ZBTB20: variants seen among roughly 807,000 people sequenced by gnomAD.
ZBTB20 encodes the protein zinc finger and BTB domain-containing protein 20.
In ZBTB20, 9 loss-of-function variants were observed where a neutral mutation model predicts 56.9. That is an observed-to-expected ratio of 0.16 (90% CI 0.10 to 0.28). The LOEUF (loss-of-function observed/expected upper bound fraction) is 0.28, where lower values mean the gene tolerates loss of function less well. ZBTB20 is among the 10% of genes least tolerant of loss of function. ZBTB20 has a pLI of 1.00. For synonymous variants in ZBTB20, 417 were observed against 420.7 expected (o/e 0.99, Z 0.11); for missense variants, 655 against 1,003.0 (o/e 0.65, Z 4.69).
At chr3:114,850,822 G>A (rs866194867) in intron 4 of ZBTB20, among the ~76,000 whole-genome samples, 1 of 152,224 alleles carries the variant, frequency 6.6e-6, no homozygotes, top group Middle Eastern at 3.2e-3. Flanking sequence ...TCCAGGTGGA[G>A]AGAGGATGTT....
At chr3:114,768,217 AC>A (rs1427048994) in intron 5 of ZBTB20, among the ~76,000 whole-genome samples, 1 of 152,056 alleles carries the variant, frequency 6.6e-6, no homozygotes, top group Non-Finnish European at 1.5e-5. Context: ...CTCCAAGTCA[AC>A]CCTTAAGGAT....
intron 3 of ZBTB20, among the ~76,000 whole-genome samples, chr3:114,915,861 T>C (rs1283225958): frequency 6.6e-6 from 1 of 152,082 alleles, no homozygotes; most frequent in African/African-American, 2.4e-5. Flanking sequence ...CATGTGTCTG[T>C]ATAGTTTCCA....
At chr3:114,442,157 C>T (rs1488172206) in intron 7 of ZBTB20, among the ~76,000 whole-genome samples, 1 of 152,084 alleles carries the variant, frequency 6.6e-6, no homozygotes, top group Non-Finnish European at 1.5e-5. Context: ...CAAGGTAAAG[C>T]CCAAGAGGCA....
chr3:114,904,117 G>GTGTT (rs147801017), intron 3 of ZBTB20, among the ~76,000 whole-genome samples: 4,403 of 151,944 alleles, frequency 0.029, 141 homozygotes, highest in African/African-American at 0.073. Flanking sequence ...ATACTATAGA[G>GTGTT]TGTTTGTTTG....
intron 7 of ZBTB20, among the ~76,000 whole-genome samples, chr3:114,481,894 G>A (rs561621392): frequency 3.3e-5 from 5 of 152,224 alleles, no homozygotes; most frequent in Non-Finnish European, 5.9e-5. Flanking sequence ...TGCAAAGAAC[G>A]GTGGGGGAAA....
intron 6 of ZBTB20, among the ~76,000 whole-genome samples, chr3:114,575,915 CA>C (rs146745862): frequency 0.094 from 14,254 of 152,188 alleles, 776 homozygotes; most frequent in African/African-American, 0.14. Flanking sequence ...GTTTGCCTAA[CA>C]AAATAATTGA....
chr3:115,126,510 T>C (rs2084337506), intron 1 of ZBTB20, among the ~76,000 whole-genome samples: 1 of 152,022 alleles, frequency 6.6e-6, no homozygotes, highest in Non-Finnish European at 1.5e-5. Flanking sequence ...TCACAAATAT[T>C]ATATAGAAGT....
At chr3:114,976,351 T>A (rs199940412) in intron 2 of ZBTB20, among the ~76,000 whole-genome samples, 2 of 152,104 alleles carry the variant, frequency 1.3e-5, no homozygotes, top group East Asian at 3.9e-4. Flanking sequence ...ACTGGCTGGG[T>A]GAGGTGGCTC....
intron 5 of ZBTB20, among the ~76,000 whole-genome samples, chr3:114,705,079 A>G (rs2063633164): frequency 6.6e-6 from 1 of 152,144 alleles, no homozygotes; most frequent in Admixed American, 6.6e-5. Flanking sequence ...ACTCACTCAA[A>G]GCTACACAGC....
rs895322001 is a variant in ZBTB20, at chr3:114,604,332, CT to C, written c.-295+89195del. 4.6e-5 allele frequency among the ~76,000 whole-genome samples: 7 copies of C among 151,670 alleles called. No individual in the cohort carries two copies. The East Asian group carries it at 5.8e-4, about 13-fold the overall frequency. ...GGTGGAAGGAGGGAATATATATTCA[CT>C]TTTTTTGCATAAAAAGACCACTGGA... On this transcript the variant is annotated intron_variant, in intron 6 of 11. Coordinates refer to ENST00000675478, the MANE Select transcript of ZBTB20 (RefSeq NM_001348800.3).
At chr3:114,370,987 C>T (rs1231606679) in intron 10 of ZBTB20, among the ~76,000 whole-genome samples, 4 of 152,204 alleles carry the variant, frequency 2.6e-5, no homozygotes, top group Non-Finnish European at 4.4e-5. Context: ...ATTACCGCCC[C>T]CTTCAGGTCA....
At chr3:114,966,963 T>C (rs1044795491) in intron 3 of ZBTB20, among the ~76,000 whole-genome samples, 1 of 152,162 alleles carries the variant, frequency 6.6e-6, no homozygotes, top group African/African-American at 2.4e-5. Context: ...GAAGAGTTCT[T>C]TGCTTTCAGT....
chr3:115,080,691 A>T (rs1483495981), intron 1 of ZBTB20, among the ~76,000 whole-genome samples: 1 of 152,150 alleles, frequency 6.6e-6, no homozygotes, highest in Admixed American at 6.6e-5. Flanking sequence ...GGATAAAAAG[A>T]TTCACCCTCA....
rs76451968 is a variant in ZBTB20, at chr3:115,063,108, T to C, written c.-507+8111A>G. 5.3e-3 allele frequency among the ~76,000 whole-genome samples: 806 copies of C among 152,312 alleles called. 7 individuals carry two copies. The highest frequency in any genetic ancestry group is 0.019 in the African/African-American group (770 of 41,572). On this transcript the variant is annotated intron_variant, in intron 2 of 11. Transcript: ENST00000675478. ...CATTGTTTTTATCATTCAAACAGCA[T>C]GCGAAAACCCCTTCAAATATAATGT...
intron 2 of ZBTB20, among the ~76,000 whole-genome samples, chr3:114,989,098 T>C (rs2078685063): frequency 6.6e-6 from 1 of 152,196 alleles, no homozygotes; most frequent in African/African-American, 2.4e-5. Context: ...AGAAGCTCTT[T>C]AGTTTAATTA....
At chr3:114,812,270 T>C (rs927633479) in intron 4 of ZBTB20, among the ~76,000 whole-genome samples, 4 of 152,096 alleles carry the variant, frequency 2.6e-5, no homozygotes, top group African/African-American at 9.7e-5. Flanking sequence ...AGGGTGCTGA[T>C]TGGTGCGTTT....
chr3:115,020,444 T>C (rs968316591), intron 2 of ZBTB20, among the ~76,000 whole-genome samples: 2 of 151,090 alleles, frequency 1.3e-5, no homozygotes, highest in Non-Finnish European at 1.5e-5. Context: ...AGGCATATAA[T>C]GGGAAACACT....
At chr3:115,050,633 C>T (rs1188762929) in intron 2 of ZBTB20, among the ~76,000 whole-genome samples, 1 of 151,990 alleles carries the variant, frequency 6.6e-6, no homozygotes, top group African/African-American at 2.4e-5. Flanking sequence ...ACTTTTATTT[C>T]ACTTTCTATA....
chr3:114,679,849 C>T (rs1179354749), intron 6 of ZBTB20, among the ~76,000 whole-genome samples: 2 of 152,162 alleles, frequency 1.3e-5, no homozygotes, highest in Admixed American at 6.5e-5. Context: ...ATGTTTATTG[C>T]AGCACTATTC....
Sources: gnomAD v4.1 joint callset for allele counts (sites outside exome capture counted in the v4.1 genomes callset) on GRCh38, gnomAD v4.1.1 for gene constraint, MANE v1.5 for transcripts, NCBI Gene and HGNC (gene_info 2026-07-23, HGNC 2026-07-21) for gene names.